The following CDH18 variants were observed in gnomAD, a reference collection of about 807,000 sequenced individuals.
The protein encoded by CDH18 is cadherin-18.
In CDH18, 31 loss-of-function variants were observed where a neutral mutation model predicts 67.9. That is an observed-to-expected ratio of 0.46 (90% CI 0.34 to 0.62). CDH18 has a LOEUF of 0.62. Ranked by LOEUF, CDH18 falls within the 20% of genes least tolerant of loss-of-function variation. The pLI is 0.01. For synonymous variants in CDH18, 362 were observed against 347.2 expected (o/e 1.04, Z -0.48); for missense variants, 890 against 975.5 (o/e 0.91, Z 1.17).
At chr5:19,559,403 A>G (rs749065988) in intron 8 of CDH18, among the ~76,000 whole-genome samples, 7 of 152,078 alleles carry the variant, frequency 4.6e-5, no homozygotes, top group Admixed American at 1.3e-4. Context: ...ACACCACATA[A>G]ACAGAATTAA....
At chr5:19,859,668 A>G (rs991112721) in intron 2 of CDH18, among the ~76,000 whole-genome samples, 2 of 152,118 alleles carry the variant, frequency 1.3e-5, no homozygotes, top group African/African-American at 2.4e-5. Flanking sequence ...TGCCAATCAA[A>G]ATCTTTAAAT....
intron 2 of CDH18, among the ~76,000 whole-genome samples, chr5:20,159,911 C>T (rs552945745): frequency 6.6e-6 from 1 of 152,264 alleles, no homozygotes; most frequent in Non-Finnish European, 1.5e-5. Context: ...TTCTTTAAAT[C>T]TGACCTCTCA....
At chr5:19,589,961 A>C (rs1281524024) in intron 7 of CDH18, among the ~76,000 whole-genome samples, 4 of 152,126 alleles carry the variant, frequency 2.6e-5, no homozygotes, top group Non-Finnish European at 5.9e-5. Context: ...TTTCCCCTGT[A>C]GCACTATATA....
intron 5 of CDH18, among the ~76,000 whole-genome samples, chr5:19,654,770 C>T (rs1228188903): frequency 1.3e-5 from 2 of 152,086 alleles, no homozygotes; most frequent in East Asian, 3.9e-4. Context: ...ATTTTATTCC[C>T]GGAGGGAGGT....
chr5:19,711,176 T>C (rs912651455), intron 5 of CDH18, among the ~76,000 whole-genome samples: 8 of 152,044 alleles, frequency 5.3e-5, no homozygotes, highest in Non-Finnish European at 8.8e-5. Context: ...CATCTAGACA[T>C]TGGCTCAGGC....
chr5:20,304,216 G>A (rs1561954874), intron 1 of CDH18: 12 of 1,504,518 alleles, frequency 8.0e-6, no homozygotes, highest in Non-Finnish European at 1.1e-5. Flanking sequence ...GTGGCATATT[G>A]GGTGGAATCA....
chr5:20,151,758 G>A (rs74342438), intron 2 of CDH18, among the ~76,000 whole-genome samples: 2 of 151,864 alleles, frequency 1.3e-5, no homozygotes, highest in East Asian at 3.9e-4. Context: ...AATAATTTAT[G>A]AATAGAAAAA....
At chr5:20,401,530 A>G (rs1355089832) in intron 1 of CDH18, among the ~76,000 whole-genome samples, 1 of 152,168 alleles carries the variant, frequency 6.6e-6, no homozygotes, top group African/African-American at 2.4e-5. Flanking sequence ...TTTATATACC[A>G]AGTGATAAAC....
intron 2 of CDH18, among the ~76,000 whole-genome samples, chr5:20,093,618 A>C (rs940544985): frequency 6.6e-6 from 1 of 152,178 alleles, no homozygotes; most frequent in Non-Finnish European, 1.5e-5. Flanking sequence ...ACAGTAATAA[A>C]ATAAAGGTAT....
At chr5:20,521,206 T>C (rs1414860384) in intron 1 of CDH18, among the ~76,000 whole-genome samples, 2 of 152,036 alleles carry the variant, frequency 1.3e-5, no homozygotes, top group Non-Finnish European at 2.9e-5. Flanking sequence ...CAAAGGAGCA[T>C]AGAGCAAATT....
In CDH18 at chr5:19,580,060, C is replaced by T. The variant is rs560504836; in HGVS notation, c.1000-8228G>A. ...ATGACACAATAATTATACATATTTA[C>T]GGGGTATGGGATAAAATGTAAACTA... On this transcript the variant is annotated intron_variant, in intron 7 of 12. Coordinates refer to ENST00000382275, the MANE Select transcript of CDH18 (RefSeq NM_004934.5). Among the ~76,000 whole-genome samples the T allele has an allele frequency of 8.6e-5, 13 of 151,634 alleles. No individual in the cohort carries two copies. In the South Asian group the frequency reaches 1.5e-3, roughly 17 times the overall value.
intron 2 of CDH18, among the ~76,000 whole-genome samples, chr5:20,235,888 G>C (rs201622309): frequency 1.3e-5 from 2 of 152,194 alleles, no homozygotes; most frequent in East Asian, 3.9e-4. Context: ...AGAAAATATG[G>C]TACATATACA....
At chr5:20,225,536 A>T (rs1741555805) in intron 2 of CDH18, among the ~76,000 whole-genome samples, 1 of 152,116 alleles carries the variant, frequency 6.6e-6, no homozygotes, top group South Asian at 2.1e-4. Context: ...GTAGACATTC[A>T]TAGGCTCACT....
chr5:20,496,027 A>G (rs1753885900), intron 1 of CDH18, among the ~76,000 whole-genome samples: 2 of 152,118 alleles, frequency 1.3e-5, no homozygotes, highest in South Asian at 4.1e-4. Flanking sequence ...CCAAGTGTGG[A>G]TAAATAATAT....
At chr5:20,448,234 A>AT (rs950255749) in intron 1 of CDH18, among the ~76,000 whole-genome samples, 1 of 149,644 alleles carries the variant, frequency 6.7e-6, no homozygotes, top group Admixed American at 6.6e-5. Context: ...TGAATTCATC[A>AT]TTTTTTATGG....
intron 1 of CDH18, among the ~76,000 whole-genome samples, chr5:20,424,844 T>A (rs1580971213): frequency 6.7e-6 from 1 of 148,258 alleles, no homozygotes; most frequent in East Asian, 2.0e-4. Flanking sequence ...AGAGGGAATT[T>A]TCAGTCAATC....
At chr5:20,028,131 G>A (rs1739076637) in intron 2 of CDH18, among the ~76,000 whole-genome samples, 1 of 151,408 alleles carries the variant, frequency 6.6e-6, no homozygotes, top group African/African-American at 2.4e-5. Flanking sequence ...CATAATTGCG[G>A]TGTTTGTCAT....
chr5:19,694,873 C>CAA (rs35511726), intron 5 of CDH18, among the ~76,000 whole-genome samples: 7,779 of 141,058 alleles, frequency 0.055, 284 homozygotes, highest in African/African-American at 0.086. Context: ...GACTCTGTCT[C>CAA]AAAAAAAAAA....
intron 1 of CDH18, among the ~76,000 whole-genome samples, chr5:20,480,194 G>A (rs1752695973): frequency 6.6e-6 from 1 of 152,066 alleles, no homozygotes; most frequent in Admixed American, 6.6e-5. Flanking sequence ...GTATTTGAAG[G>A]TAAAAATCAC....
Sources: allele counts gnomAD v4.1 joint callset (sites outside exome capture counted in the v4.1 genomes callset), GRCh38; gene constraint gnomAD v4.1.1; transcripts MANE v1.5; gene names NCBI Gene and HGNC (gene_info 2026-07-23, HGNC 2026-07-21).